PPP4R1: variants seen among roughly 807,000 people sequenced by gnomAD.
PPP4R1 encodes the protein serine/threonine-protein phosphatase 4 regulatory subunit 1.
Under a neutral mutation model 111.2 loss-of-function variants are expected in PPP4R1, and 42 were observed. That is an observed-to-expected ratio of 0.38 (90% CI 0.29 to 0.49). The LOEUF is 0.49. PPP4R1 is among the 20% of genes least tolerant of loss of function. The pLI is 0.97. For synonymous variants in PPP4R1, 409 were observed against 405.5 expected (o/e 1.01, Z -0.10); for missense variants, 1,012 against 1,161.6 (o/e 0.87, Z 1.87).
chr18:9,563,784 T>C, intron 11 of PPP4R1: 1 of 355,066 alleles, frequency 2.8e-6, no homozygotes, highest in Non-Finnish European at 5.1e-6. Context: ...CTGTACATTA[T>C]TCTGCGTTAG....
chr18:9,548,022 G>GA lies in PPP4R1; in HGVS notation c.2690-71dup, dbSNP rs2066427013. 6.7e-6 allele frequency: 10 copies of GA among 1,482,060 alleles called. No individual in the cohort carries two copies. The South Asian group carries it at 1.2e-4, about 18-fold the overall frequency. The allele number at this position is 1,482,060 out of a possible 1,614,324, so 91.8% of individuals were successfully genotyped here. A position where few individuals can be genotyped will look rare whatever the true frequency, so the allele number is the denominator to read the frequency against. ...AACACTTCAGAGTTCCGTCAAGTAC[G>GA]AGTGTAAACAGTTAAACTGGGTATT... On this transcript the variant is annotated intron_variant, in intron 19 of 19. Coordinates refer to ENST00000400556, the MANE Select transcript of PPP4R1 (RefSeq NM_001042388.3).
upstream of PPP4R1, among the ~76,000 whole-genome samples, chr18:9,616,584 C>G (rs1281094493): frequency 2.0e-5 from 3 of 152,192 alleles, no homozygotes; most frequent in African/African-American, 7.2e-5. Context: ...CAAATCAGCT[C>G]TTTATTCTAA....
rs760516025 is a variant in PPP4R1, at chr18:9,547,956, GA to G, written c.2690-5del. On this transcript the variant is annotated splice_polypyrimidine_tract_variant and splice_region_variant and intron_variant, in intron 19 of 19. Coordinates refer to ENST00000400556, the MANE Select transcript of PPP4R1 (RefSeq NM_001042388.3). Reference sequence around the variant, plus strand: ...CTGGCAGAGGCCAAGAAATAGTCTGGAAATGACATGTGCATAGGACAGATGA... The same window carrying G: ...CTGGCAGAGGCCAAGAAATAGTCTGGAATGACATGTGCATAGGACAGATGA... 2 of 1,613,696 alleles carry G rather than the reference GA, an allele frequency of 1.2e-6. No individual in the cohort carries two copies. Among genetic ancestry groups the G allele is most frequent in the East Asian group, 4.5e-5 (2 of 44,880 alleles).
chr18:9,562,872 G>A lies in PPP4R1; in HGVS notation c.1746+506C>T, dbSNP rs576359785. On this transcript the variant is annotated intron_variant, in intron 12 of 19. Coordinates refer to ENST00000400556, the MANE Select transcript of PPP4R1 (RefSeq NM_001042388.3). The stretch of plus-strand genomic sequence containing the variant: ...AGCAGGAAATTAGGGAAGGATCATA[G>A]AGAACAGCTACAAGTACACAGTGAA... The A allele has an allele frequency of 1.3e-5, 13 of 985,988 alleles. No individual in the cohort carries two copies. The South Asian group carries it at 2.8e-4, about 21-fold the overall frequency. The allele number at this position is 985,988 out of a possible 1,614,324, so 61.1% of individuals were successfully genotyped here. A position where few individuals can be genotyped will look rare whatever the true frequency, so the allele number is the denominator to read the frequency against.
intron 7 of PPP4R1, 63 bp from the exon 8 acceptor site, chr18:9,584,643 T>C: frequency 6.2e-7 from 1 of 1,602,444 alleles, no homozygotes; most frequent in Non-Finnish European, 8.5e-7. Flanking sequence ...TAAGATAATC[T>C]TTTAAATATC....
At chr18:9,606,252 A>T (rs1428333884) in intron 2 of PPP4R1, among the ~76,000 whole-genome samples, 1 of 152,218 alleles carries the variant, frequency 6.6e-6, no homozygotes, top group East Asian at 1.9e-4. Context: ...TTTATAGCAC[A>T]GTGAAGGGGT....
At chr18:9,613,642 A>AT (rs1555677810) in intron 2 of PPP4R1, 2 of 152,018 alleles carry the variant, frequency 1.3e-5, no homozygotes, top group Non-Finnish European at 2.9e-5. Context: ...ACACCTTCTA[A>AT]CCTTCTCGTA....
At chr18:9,579,019 T>A (rs2066983705) in intron 9 of PPP4R1, among the ~76,000 whole-genome samples, 1 of 152,204 alleles carries the variant, frequency 6.6e-6, no homozygotes, top group South Asian at 2.1e-4. Flanking sequence ...GATCACAGTG[T>A]CTAATAAGTT....
chr18:9,616,252 CT>C (rs35547777), upstream of PPP4R1, among the ~76,000 whole-genome samples: 129 of 146,650 alleles, frequency 8.8e-4, no homozygotes, highest in Admixed American at 1.6e-3. Flanking sequence ...CAAATCAGCT[CT>C]TTTTTTTTTT....
In PPP4R1 at chr18:9,610,914, C is replaced by T. The variant is rs4798820; in HGVS notation, c.52+3312G>A. 3.8e-3 allele frequency among the ~76,000 whole-genome samples: 566 copies of T among 150,766 alleles called. 9 individuals carry two copies. Among genetic ancestry groups the T allele is most frequent in the Admixed American group, 0.024 (363 of 15,168 alleles). The stretch of plus-strand genomic sequence containing the variant: ...CACACACAAATACCATCCATTTTTC[C>T]CTCATTAGGATTTTTTTTCCTCCAA... On this transcript the variant is annotated intron_variant, in intron 2 of 19. Transcript: ENST00000400556.
intron 2 of PPP4R1, among the ~76,000 whole-genome samples, chr18:9,612,021 A>AT (rs531735118): frequency 9.8e-4 from 149 of 152,056 alleles, no homozygotes; most frequent in African/African-American, 3.5e-3. Context: ...CTCAAAAAAA[A>AT]AAAAAATTTA....
intron 14 of PPP4R1, among the ~76,000 whole-genome samples, 165 bp from the exon 15 acceptor site, chr18:9,557,547 TG>T (rs565391048): frequency 1.3e-5 from 2 of 152,202 alleles, no homozygotes; most frequent in Admixed American, 6.5e-5. Context: ...CATCGAAAAG[TG>T]TAACAGAAAC....
intron 9 of PPP4R1, among the ~76,000 whole-genome samples, chr18:9,579,950 T>C (rs1178415229): frequency 1.3e-5 from 2 of 152,166 alleles, no homozygotes; most frequent in Non-Finnish European, 2.9e-5. Context: ...ATGACTGACA[T>C]ATCCATATTC....
intron 2 of PPP4R1, chr18:9,613,915 C>T (rs2067631922): frequency 4.8e-6 from 1 of 206,320 alleles, no homozygotes. Context: ...TGCCCCACCG[C>T]TTCTCCTTCC....
intron 6 of PPP4R1, among the ~76,000 whole-genome samples, 178 bp from the exon 7 acceptor site, chr18:9,585,006 AG>A (rs1033525490): frequency 2.6e-5 from 4 of 152,230 alleles, no homozygotes; most frequent in African/African-American, 9.6e-5. Context: ...TTATCTAAGT[AG>A]GAAACAAAGA....
chr18:9,588,445 T>A (rs2067156747), intron 5 of PPP4R1, among the ~76,000 whole-genome samples: 1 of 152,196 alleles, frequency 6.6e-6, no homozygotes, highest in East Asian at 1.9e-4. Context: ...GACAGAGCCA[T>A]CCTGGTAAAA....
At position 9,612,927 on chromosome 18, in the gene PPP4R1, T is replaced by C. The variant is rs114634538; in HGVS notation, c.52+1299A>G. 4.6e-5 allele frequency among the ~76,000 whole-genome samples: 7 copies of C among 152,288 alleles called. No homozygotes were observed. The South Asian group carries it at 1.4e-3, about 32-fold the overall frequency. ...AAGATAAATTACTCGTTTCAGATAATCCATCTAAATAGTAAATCCCCCTTA... is the reference window on the plus strand; with the variant it reads ...AAGATAAATTACTCGTTTCAGATAACCCATCTAAATAGTAAATCCCCCTTA... On this transcript the variant is annotated intron_variant, in intron 2 of 19. Transcript: ENST00000400556.
chr18:9,578,119 A>G (rs1439124358), intron 9 of PPP4R1, among the ~76,000 whole-genome samples: 7 of 152,232 alleles, frequency 4.6e-5, no homozygotes, highest in African/African-American at 1.7e-4. Flanking sequence ...TTTTTAAAAC[A>G]TTTGAAAATG....
At chr18:9,556,900 G>A in intron 15 of PPP4R1, 1 of 190,426 alleles carries the variant, frequency 5.3e-6, no homozygotes, top group Non-Finnish European at 1.1e-5. Flanking sequence ...ATTTGGGTGT[G>A]CATGGGGGAC....
Sources: gnomAD v4.1 joint callset for allele counts (sites outside exome capture counted in the v4.1 genomes callset) on GRCh38, gnomAD v4.1.1 for gene constraint, MANE v1.5 for transcripts, NCBI Gene and HGNC (gene_info 2026-07-23, HGNC 2026-07-21) for gene names.